The following OASL variants were observed in gnomAD, a reference collection of about 807,000 sequenced individuals.
The protein encoded by OASL is 2'-5'-oligoadenylate synthase-like protein.
A neutral mutation model predicts 35.3 loss-of-function variants in OASL; 28 were observed. The observed-to-expected ratio is 0.79, with a 90% confidence interval of 0.59 to 1.09. The LOEUF is 1.09. Ranked by LOEUF, OASL falls within the 50% of genes least tolerant of loss-of-function variation. OASL has a pLI of 0.00. For synonymous variants in OASL, 252 were observed against 254.6 expected (o/e 0.99, Z 0.10); for missense variants, 620 against 635.2 (o/e 0.98, Z 0.26).
chr12:121,020,627 GCCATAGATCCCCAGACCCAACCAGT>G lies in OASL; in HGVS notation c.1454_1478del (p.Asp485AlafsTer74), dbSNP rs1433596660. The G allele has an allele frequency of 2.5e-6, 4 of 1,613,832 alleles. No individual in the cohort carries two copies. Among genetic ancestry groups the G allele is most frequent in the Admixed American group, 1.7e-5 (1 of 59,990 alleles). On this transcript the variant is annotated frameshift_variant, in exon 6 of 6. Transcript: ENST00000257570. LOFTEE classifies it low-confidence loss of function (END_TRUNC). ...GGATGAGAGTGTCACTGTCTTGGAT[GCCATAGATCCCCAGACCCAACCAGT>G]CCTGCAGGACTTGGCCTTGGAATTC...
At chr12:121,030,469 G>T (rs562788036) in intron 3 of OASL, among the ~76,000 whole-genome samples, 1 of 152,298 alleles carries the variant, frequency 6.6e-6, no homozygotes, top group East Asian at 1.9e-4. Flanking sequence ...CTCCCAAAAT[G>T]CTGGGATTAC....
At chr12:121,020,610 G>A (rs771347511) in exon 6 of OASL, 1 of 1,613,108 alleles carries the variant, frequency 6.2e-7, no homozygotes, top group Admixed American at 1.7e-5. Context: ...GAGGATGAGA[G>A]TGTCACTGTC....
chr12:121,024,814 C>T (rs1052893792), intron 4 of OASL, among the ~76,000 whole-genome samples: 1 of 152,046 alleles, frequency 6.6e-6, no homozygotes, highest in African/African-American at 2.4e-5. Flanking sequence ...ATAGTAGAAA[C>T]ACCACTGCCA....
At chr12:121,027,951 G>A in intron 3 of OASL, 134 bp from the exon 4 acceptor site, 1 of 699,556 alleles carries the variant, frequency 1.4e-6, no homozygotes, top group Non-Finnish European at 2.4e-6. Flanking sequence ...CCTTGGCCAT[G>A]TCACATTCCA....
intron 5 of OASL, among the ~76,000 whole-genome samples, chr12:121,022,541 G>C (rs1179150038): frequency 1.3e-5 from 2 of 152,158 alleles, no homozygotes; most frequent in African/African-American, 4.8e-5. Flanking sequence ...TTATATTCAG[G>C]AAAAATCCAG....
intron 3 of OASL, among the ~76,000 whole-genome samples, chr12:121,030,370 A>AT (rs1454462695): frequency 1.3e-5 from 2 of 151,808 alleles, no homozygotes; most frequent in East Asian, 1.9e-4. Flanking sequence ...ACGCCTGGCT[A>AT]TTTTTTTGTA....
rs1457798380 is a variant in OASL at position 121,038,878 on chromosome 12, C to G, written c.94G>C (p.Glu32Gln). The G allele has an allele frequency of 3.7e-6, 6 of 1,614,182 alleles. No individual in the cohort carries two copies. Among genetic ancestry groups the G allele is most frequent in the Non-Finnish European group, 5.1e-6 (6 of 1,180,038 alleles). Residue 32 changes from glutamate (E) to glutamine (Q), a missense_variant, in exon 1 of 6, where the codon GAG becomes CAG. Transcript: ENST00000257570. ...ACGGTCCGCACAGCGTCTAGCACCT[C>G]TTCCTTCCACTCCCGGTGGGGCTGC...
At chr12:121,024,225 A>T (rs1869385570) in intron 4 of OASL, 88 bp from the exon 5 acceptor site, 9 of 1,435,600 alleles carry the variant, frequency 6.3e-6, no homozygotes, top group Non-Finnish European at 8.5e-6. Flanking sequence ...TATTTCGTCC[A>T]GCCACTGAGA....
At chr12:121,026,356 G>T (rs1346168967) in intron 4 of OASL, among the ~76,000 whole-genome samples, 1 of 152,222 alleles carries the variant, frequency 6.6e-6, no homozygotes, top group Non-Finnish European at 1.5e-5. Context: ...CACAGGCCCA[G>T]AGCTTCTAAC....
At chr12:121,022,461 C>A (rs1018652213) in intron 5 of OASL, among the ~76,000 whole-genome samples, 23 of 152,204 alleles carry the variant, frequency 1.5e-4, no homozygotes, top group African/African-American at 4.6e-4. Flanking sequence ...CTCAAGGGAT[C>A]CACCCGCCTC....
chr12:121,020,893 G>C lies in OASL; in HGVS notation c.1213C>G (p.Gln405Glu), dbSNP rs767393231. 3.1e-6 allele frequency: 5 copies of C among 1,614,060 alleles called. No homozygotes were observed. The African/African-American group carries it at 4.0e-5, about 13-fold the overall frequency. Reference sequence around the variant, plus strand: ...AAGGAGCACCTGCTGCTGAGAAGCTGCCTCTCACTGCCAGGAACCTGGAAG... The same window carrying C: ...AAGGAGCACCTGCTGCTGAGAAGCTCCCTCTCACTGCCAGGAACCTGGAAG... The change falls in exon 6 of 6, where the codon CAG becomes GAG. Residue 405 changes from glutamine to glutamate, a missense_variant. Gln to Glu is a conservative substitution (Grantham distance 29). Transcript: ENST00000257570.
At position 121,022,445 on chromosome 12, in the gene OASL, G is replaced by A. The variant is rs146677704; in HGVS notation, c.1048-1387C>T. Among the ~76,000 whole-genome samples, 767 of 152,200 alleles carry A rather than the reference G, an allele frequency of 5.0e-3. 2 individuals are homozygous for A. Among genetic ancestry groups the A allele is most frequent in the Non-Finnish European group, 7.9e-3 (537 of 67,988 alleles). ...ATGTTGCCTAGGCTGGTCTTGAACT[G>A]TTGGGCTCAAGGGATCCACCCGCCT... On this transcript the variant is annotated intron_variant, in intron 5 of 5. Transcript: ENST00000257570.
chr12:121,034,685 G>A (rs1018966692), intron 1 of OASL, among the ~76,000 whole-genome samples: 1 of 152,152 alleles, frequency 6.6e-6, no homozygotes, highest in Non-Finnish European at 1.5e-5. Flanking sequence ...TCTTAGCTGG[G>A]TAAACATTCT....
chr12:121,036,794 C>T (rs1267693783), intron 1 of OASL, among the ~76,000 whole-genome samples: 2 of 152,124 alleles, frequency 1.3e-5, no homozygotes, highest in African/African-American at 4.8e-5. Context: ...GTCCCAGGCC[C>T]AGAAGAAAGC....
chr12:121,022,373 C>T (rs1433461832), intron 5 of OASL, among the ~76,000 whole-genome samples: 1 of 152,200 alleles, frequency 6.6e-6, no homozygotes, highest in Non-Finnish European at 1.5e-5. Flanking sequence ...ATGTGAGCCA[C>T]CGCACCTGGC....
intron 1 of OASL, among the ~76,000 whole-genome samples, chr12:121,036,581 C>T (rs754643379): frequency 6.6e-6 from 1 of 152,026 alleles, no homozygotes; most frequent in Non-Finnish European, 1.5e-5. Context: ...GTCAGGAGTT[C>T]GAGACCAGCC....
intron 4 of OASL, 56 bp downstream of exon 4, chr12:121,027,520 C>G: frequency 6.2e-7 from 1 of 1,606,424 alleles, no homozygotes; most frequent in Non-Finnish European, 8.5e-7. Context: ...CCACGTTACA[C>G]TAGCCCGTCT....
At chr12:121,035,168 G>T (rs1185770812) in intron 1 of OASL, among the ~76,000 whole-genome samples, 1 of 152,024 alleles carries the variant, frequency 6.6e-6, no homozygotes, top group Non-Finnish European at 1.5e-5. Flanking sequence ...ACGGATGCTG[G>T]ATGACATGAG....
rs182142395 is a variant in OASL at position 121,024,154 on chromosome 12, G to T, written c.900-17C>A. The T allele has an allele frequency of 1.7e-5, 27 of 1,612,304 alleles. No homozygotes were observed. The highest frequency in any genetic ancestry group is 2.1e-5 in the Non-Finnish European group (25 of 1,179,004). ...ATGATGGGCCTGTAACACAGGAAAA[G>T]GGTGCCCAGGCTCATAATGGTTTGA... is the stretch of plus-strand genomic sequence containing the variant. On this transcript the variant is annotated splice_polypyrimidine_tract_variant and intron_variant, in intron 4 of 5. Transcript: ENST00000257570.
Sources: gnomAD v4.1 joint callset for allele counts (sites outside exome capture counted in the v4.1 genomes callset) on GRCh38, gnomAD v4.1.1 for gene constraint, MANE v1.5 for transcripts, NCBI Gene and HGNC (gene_info 2026-07-23, HGNC 2026-07-21) for gene names.